The following SH2D3C variants were observed in gnomAD, a reference collection of about 807,000 sequenced individuals.
SH2D3C encodes SH2 domain-containing protein 3C.
Under a neutral mutation model 75.2 loss-of-function variants are expected in SH2D3C, and 25 were observed. That is an observed-to-expected ratio of 0.33 (90% CI 0.24 to 0.46). The LOEUF is 0.46. Among genes scored for constraint, SH2D3C ranks in the 20% least tolerant of loss-of-function variants. SH2D3C has a pLI of 1.00. For synonymous variants in SH2D3C, 450 were observed against 473.7 expected (o/e 0.95, Z 0.65); for missense variants, 933 against 1,165.3 (o/e 0.80, Z 2.90).
At chr9:127,740,519 G>A (rs1428189315) in intron 9 of SH2D3C, 150 bp from the exon 10 acceptor site, 3 of 601,020 alleles carry the variant, frequency 5.0e-6, no homozygotes, top group Non-Finnish European at 8.9e-6. Context: ...TACTTTTCAT[G>A]TCTACCATGA....
intron 2 of SH2D3C, among the ~76,000 whole-genome samples, chr9:127,772,455 G>A (rs1477681583): frequency 6.6e-6 from 1 of 152,066 alleles, no homozygotes; most frequent in Non-Finnish European, 1.5e-5. Flanking sequence ...TGTTGGTCAG[G>A]CTGGTCTCTT....
intron 3 of SH2D3C, among the ~76,000 whole-genome samples, chr9:127,757,630 G>GATTATT (rs1491252899): frequency 0.031 from 2,330 of 76,076 alleles, 35 homozygotes; most frequent in Non-Finnish European, 0.041. Context: ...TGATGATGAT[G>GATTATT]ATGATGATGA....
Position 127,744,487 on chromosome 9 carries a change from C to G in SH2D3C, c.1800+77G>C, listed in dbSNP as rs566214612. 155 of 1,508,658 alleles carry G rather than the reference C, an allele frequency of 1.0e-4. 2 individuals carry two copies. The South Asian group carries it at 1.8e-3, about 18-fold the overall frequency. 93.5% of individuals were successfully genotyped at this position (1,508,658 alleles called of 1,614,324 possible). The stretch of plus-strand genomic sequence containing the variant: ...GGCCCACCTGCTGTACTTGGGGAAT[C>G]TGGGAGCCAGCTTCTCACTGCCCTG... On this transcript the variant is annotated intron_variant, in intron 7 of 11. Transcript: ENST00000314830.
In SH2D3C at chr9:127,741,869, A is replaced by C; in HGVS notation, c.2007T>G (p.Ile669Met). 6.2e-7 allele frequency: 1 copy of C among 1,613,262 alleles called. No homozygotes were observed. Among genetic ancestry groups the C allele is most frequent in the Non-Finnish European group, 8.5e-7 (1 of 1,180,008 alleles). ...EERAALLHKTIQLAAELRGTM... is the reference protein window; with the variant it reads ...EERAALLHKTMQLAAELRGTM... ...TCCCCCGCAGCTCGGCCGCCAGCTG[A>C]ATGGTCTTGTGCAGCAGCGCTGCCC... is the stretch of plus-strand genomic sequence containing the variant. Residue 669 changes from isoleucine to methionine, a missense_variant, in exon 9 of 12, where the codon ATT becomes ATG. Transcript: ENST00000314830.
chr9:127,746,484 A>T (rs1800412301), intron 6 of SH2D3C, among the ~76,000 whole-genome samples: 1 of 152,226 alleles, frequency 6.6e-6, no homozygotes, highest in Non-Finnish European at 1.5e-5. Flanking sequence ...CAAACCTAAA[A>T]CTGCTCTAAA....
chr9:127,758,244 A>G (rs1288906727), intron 3 of SH2D3C, among the ~76,000 whole-genome samples: 2 of 152,146 alleles, frequency 1.3e-5, no homozygotes, highest in East Asian at 3.9e-4. Flanking sequence ...AGTTGCTGGG[A>G]TTACAGGCAT....
At chr9:127,777,165 G>A (rs1829025649) in intron 1 of SH2D3C, among the ~76,000 whole-genome samples, 1 of 152,126 alleles carries the variant, frequency 6.6e-6, no homozygotes, top group Admixed American at 6.5e-5. Context: ...GGGAAATGCA[G>A]TCACAATCAC....
At chr9:127,743,299 T>TC (rs1844921593) in intron 7 of SH2D3C, among the ~76,000 whole-genome samples, 1 of 152,174 alleles carries the variant, frequency 6.6e-6, no homozygotes, top group Admixed American at 6.5e-5. Context: ...GGTCAGGAGT[T>TC]CGAGACCAGC....
At position 127,749,150 on chromosome 9, in the gene SH2D3C, T is replaced by C; in HGVS notation, c.1139+61A>G. The C allele has an allele frequency of 8.1e-7, 1 of 1,239,676 alleles. No individual in the cohort carries two copies. The highest frequency in any genetic ancestry group is 1.1e-6 in the Non-Finnish European group (1 of 889,970). 76.8% of individuals were successfully genotyped at this position (1,239,676 alleles called of 1,614,324 possible). On this transcript the variant is annotated intron_variant, in intron 5 of 11. Coordinates refer to ENST00000314830, the MANE Select transcript of SH2D3C (RefSeq NM_170600.3). The surrounding 1 kb of genome is among the most constrained non-coding windows in gnomAD (Gnocchi z 5.9). ...CCCATTTCAGTGTACCTAGGCCTTC[T>C]CTTTCTCACTAGCCCTCTCATTACC...
chr9:127,755,291 G>A lies in SH2D3C; in HGVS notation c.556-3991C>T, dbSNP rs886499643. ...GGCGCGATTACCTCATCGCCTTGTC[G>A]GGGGAGGAGCGGGGAGGCGGGGCGG... On this transcript the variant is annotated intron_variant, in intron 3 of 11. Coordinates refer to ENST00000314830, the MANE Select transcript of SH2D3C (RefSeq NM_170600.3). The A allele has an allele frequency of 7.0e-6, 8 of 1,140,844 alleles. No homozygotes were observed. In the African/African-American group the frequency reaches 9.8e-5, roughly 14 times the overall value. 70.7% of individuals were successfully genotyped at this position (1,140,844 alleles called of 1,614,324 possible). A position where few individuals can be genotyped will look rare whatever the true frequency, so the allele number is the denominator to read the frequency against.
intron 2 of SH2D3C, chr9:127,767,080 A>G: frequency 6.5e-7 from 1 of 1,536,188 alleles, no homozygotes; most frequent in Non-Finnish European, 8.7e-7. Context: ...AAGATGGGCC[A>G]CCATTGTGCC....
At chr9:127,765,955 A>G (rs1359925469) in intron 2 of SH2D3C, among the ~76,000 whole-genome samples, 1 of 152,246 alleles carries the variant, frequency 6.6e-6, no homozygotes, top group African/African-American at 2.4e-5. Flanking sequence ...GCCTGTATTA[A>G]CTGATTTGTT....
At chr9:127,765,079 T>C (rs981006470) in intron 2 of SH2D3C, among the ~76,000 whole-genome samples, 2 of 151,954 alleles carry the variant, frequency 1.3e-5, no homozygotes, top group African/African-American at 2.4e-5. Context: ...GGTGAGATCA[T>C]GGCCACCATA....
chr9:127,744,768 C>T lies in SH2D3C; in HGVS notation c.1596G>A (p.Gly532=), dbSNP rs768708326. 1 of 1,614,208 alleles carries T rather than the reference C, an allele frequency of 6.2e-7. No homozygotes were observed. The highest frequency in any genetic ancestry group is 8.5e-7 in the Non-Finnish European group (1 of 1,180,034). Residue 532 remains glycine (G), a synonymous_variant, in exon 7 of 12, where the codon GGG becomes GGA. Coordinates refer to ENST00000314830, the MANE Select transcript of SH2D3C (RefSeq NM_170600.3). ...GERLKELSEN[G]APEGDWGKTF... ...TCTTGCCCCAGTCCCCTTCAGGGGC[C>T]CCATTTTCTGACAGTTCCTTTAGCC...
intron 1 of SH2D3C, 27 bp downstream of exon 1, chr9:127,778,564 A>C (rs1829081021): frequency 6.4e-7 from 1 of 1,572,592 alleles, no homozygotes; most frequent in Admixed American, 1.7e-5. Context: ...GGGATGGAGG[A>C]CAGTGCAGAC....
At position 127,751,341 on chromosome 9, in the gene SH2D3C, C is replaced by A; in HGVS notation, c.556-41G>T. 1 of 1,602,022 alleles carries A rather than the reference C, an allele frequency of 6.2e-7. No individual in the cohort carries two copies. Among genetic ancestry groups the A allele is most frequent in the Non-Finnish European group, 8.5e-7 (1 of 1,171,810 alleles). ...CAAGAGTTGGCATCCAACTTAAAGTCTCCTTCTTCTTTCCCTCCCAACTTC... is the reference window on the plus strand; with the variant it reads ...CAAGAGTTGGCATCCAACTTAAAGTATCCTTCTTCTTTCCCTCCCAACTTC... On this transcript the variant is annotated intron_variant, in intron 3 of 11. Coordinates refer to ENST00000314830, the MANE Select transcript of SH2D3C (RefSeq NM_170600.3). This position sits in a 1 kb window ranked among gnomAD's most constrained non-coding sequence, Gnocchi z 4.1.
At chr9:127,775,227 C>A (rs995170109) in intron 1 of SH2D3C, among the ~76,000 whole-genome samples, 3 of 152,238 alleles carry the variant, frequency 2.0e-5, no homozygotes, top group African/African-American at 7.2e-5. Context: ...GGTGTGGTGG[C>A]TCACACCTGT....
intron 3 of SH2D3C, among the ~76,000 whole-genome samples, chr9:127,757,602 A>AGATGAT (rs140510163): frequency 2.2e-5 from 3 of 138,424 alleles, no homozygotes; most frequent in African/African-American, 8.0e-5. Context: ...CACCATACCC[A>AGATGAT]GATGATGATG....
At position 127,774,112 on chromosome 9, in the gene SH2D3C, T is replaced by C. The variant is rs1198104685; in HGVS notation, c.393A>G (p.Leu131=). The C allele has an allele frequency of 6.2e-6, 10 of 1,614,002 alleles. No individual in the cohort carries two copies. The African/African-American group carries it at 8.0e-5, about 13-fold the overall frequency. Residue 131 remains leucine (L), a synonymous_variant, in exon 2 of 12, where the codon CTA becomes CTG. Coordinates refer to ENST00000314830, the MANE Select transcript of SH2D3C (RefSeq NM_170600.3). This position sits in a 1 kb window ranked among gnomAD's most constrained non-coding sequence, Gnocchi z 4.3. Reference sequence around the variant, plus strand: ...TGGGTTCCATTGCTGGGGTGTCCTCTAGAGGGCCAGTGGCCTTCACCATCA... The same window carrying C: ...TGGGTTCCATTGCTGGGGTGTCCTCCAGAGGGCCAGTGGCCTTCACCATCA... ...KEVMVKATGP[L]EDTPAMEPNP...
Sources: gnomAD v4.1 joint callset for allele counts (sites outside exome capture counted in the v4.1 genomes callset) on GRCh38, gnomAD v4.1.1 for gene constraint, Gnocchi (gnomAD v3.1) non-coding constraint, MANE v1.5 for transcripts, NCBI Gene and HGNC (gene_info 2026-07-23, HGNC 2026-07-21) for gene names.